FGF14: variants seen among roughly 807,000 people sequenced by gnomAD.
The protein encoded by FGF14 is fibroblast growth factor homologous factor 4.
In FGF14, 5 loss-of-function variants were observed where a neutral mutation model predicts 25.5. The ratio of observed to expected loss-of-function variants is 0.20; its 90% CI spans 0.10 to 0.41. The LOEUF (loss-of-function observed/expected upper bound fraction) is 0.41. FGF14 is among the 10% of genes least tolerant of loss of function. The probability of loss-of-function intolerance (pLI) is 1.00; values close to 1 mark genes in which losing one functional copy is unlikely to be tolerated. For missense variants in FGF14, 222 were observed against 320.1 expected (o/e 0.69, Z 2.34); for synonymous variants, 138 against 118.3 (o/e 1.17, Z -1.08).
chr13:101,795,559 A>T (rs947697786), intron 3 of FGF14, among the ~76,000 whole-genome samples: 1 of 152,108 alleles, frequency 6.6e-6, no homozygotes, highest in Non-Finnish European at 1.5e-5. Context: ...CAGTAAGGCA[A>T]CACATACTTT....
At chr13:102,165,208 C>T (rs573193856) in intron 1 of FGF14, among the ~76,000 whole-genome samples, 132 of 152,204 alleles carry the variant, frequency 8.7e-4, no homozygotes, top group African/African-American at 3.1e-3. Context: ...CACTTTTACA[C>T]TGTTGGTGGG....
chr13:102,320,289 G>A (rs922281949), intron 1 of FGF14, among the ~76,000 whole-genome samples: 15 of 150,592 alleles, frequency 1.0e-4, no homozygotes, highest in Non-Finnish European at 2.2e-4. Context: ...TGACCCTCAT[G>A]AGACTTCACA....
intron 1 of FGF14, among the ~76,000 whole-genome samples, chr13:102,356,233 G>T (rs1255632222): frequency 6.6e-6 from 1 of 152,202 alleles, no homozygotes; most frequent in Non-Finnish European, 1.5e-5. Flanking sequence ...GCTAGACCCA[G>T]AAAACATCAC....
At chr13:101,984,804 A>G (rs906440702) in intron 1 of FGF14, among the ~76,000 whole-genome samples, 2 of 152,168 alleles carry the variant, frequency 1.3e-5, no homozygotes, top group African/African-American at 4.8e-5. Flanking sequence ...AAGAAAAGTG[A>G]TATTTGTGGG....
At chr13:102,344,471 G>A (rs1181978632) in intron 1 of FGF14, among the ~76,000 whole-genome samples, 2 of 152,352 alleles carry the variant, frequency 1.3e-5, no homozygotes, top group African/African-American at 4.8e-5. Context: ...TTTGAAAAAT[G>A]TATTTTTAAA....
chr13:101,903,808 T>C (rs1208062264), intron 1 of FGF14, among the ~76,000 whole-genome samples: 2 of 152,164 alleles, frequency 1.3e-5, no homozygotes, highest in Non-Finnish European at 2.9e-5. Flanking sequence ...ACATAGACTG[T>C]CAGCATCTAG....
At chr13:102,240,970 G>A (rs1348199636) in intron 1 of FGF14, among the ~76,000 whole-genome samples, 1 of 152,092 alleles carries the variant, frequency 6.6e-6, no homozygotes, top group African/African-American at 2.4e-5. Flanking sequence ...TGTAAAAATA[G>A]GCAAGGGTTC....
chr13:102,155,673 T>C (rs1283819059), intron 1 of FGF14, among the ~76,000 whole-genome samples: 7 of 151,810 alleles, frequency 4.6e-5, no homozygotes, highest in African/African-American at 1.7e-4. Flanking sequence ...AGAGCAGAAC[T>C]GAAGGAGATA....
At chr13:102,045,089 T>C (rs1243424042) in intron 1 of FGF14, among the ~76,000 whole-genome samples, 3 of 152,198 alleles carry the variant, frequency 2.0e-5, no homozygotes, top group African/African-American at 4.8e-5. Context: ...TGAATTTTAC[T>C]CATCTAATAA....
At chr13:101,773,042 C>G (rs1384696027) in intron 3 of FGF14, among the ~76,000 whole-genome samples, 2 of 152,054 alleles carry the variant, frequency 1.3e-5, no homozygotes, top group African/African-American at 4.8e-5. Flanking sequence ...AGCTATTCTG[C>G]TTAAGTGGCC....
chr13:102,202,397 AG>A lies in FGF14; in HGVS notation c.208+199073del, dbSNP rs200333900. Among the ~76,000 whole-genome samples the A allele has an allele frequency of 6.2e-3, 941 of 152,316 alleles. 31 individuals carry two copies. The highest frequency in any genetic ancestry group is 0.054 in the Admixed American group (824 of 15,306). On this transcript the variant is annotated intron_variant, in intron 1 of 4. Coordinates refer to the FGF14 transcript ENST00000376131. ...CTAGTTCTCATTCCCCCACACAAAA[AG>A]GAGACCCATGAGCAGGAAGCAAGTT...
intron 1 of FGF14, among the ~76,000 whole-genome samples, chr13:102,392,190 A>T (rs1038675822): frequency 1.3e-5 from 2 of 152,222 alleles, no homozygotes; most frequent in African/African-American, 4.8e-5. Context: ...CATTTTAACT[A>T]CATTCATTCC....
chr13:102,278,494 T>A (rs2053655256), intron 1 of FGF14, among the ~76,000 whole-genome samples: 1 of 152,142 alleles, frequency 6.6e-6, no homozygotes, highest in South Asian at 2.1e-4. Context: ...ACAGGGGTGA[T>A]TGAACATAGG....
At chr13:102,201,069 C>A (rs1377954820) in intron 1 of FGF14, among the ~76,000 whole-genome samples, 2 of 129,824 alleles carry the variant, frequency 1.5e-5, no homozygotes, top group Non-Finnish European at 3.1e-5. Context: ...CCACTGCACT[C>A]CAGCTTGGGC....
intron 1 of FGF14, among the ~76,000 whole-genome samples, chr13:101,924,211 CAT>C (rs1315633732): frequency 6.6e-6 from 1 of 152,068 alleles, no homozygotes; most frequent in African/African-American, 2.4e-5. Flanking sequence ...TCCCTGTGCA[CAT>C]GTGATATAAT....
At chr13:102,073,527 T>TA (rs1441788462) in intron 1 of FGF14, among the ~76,000 whole-genome samples, 1 of 152,224 alleles carries the variant, frequency 6.6e-6, no homozygotes, top group Non-Finnish European at 1.5e-5. Flanking sequence ...CCAAGAAAGT[T>TA]AAATTTATCC....
chr13:101,983,971 T>C (rs142509622), intron 1 of FGF14, among the ~76,000 whole-genome samples: 2 of 152,308 alleles, frequency 1.3e-5, no homozygotes, highest in Middle Eastern at 3.4e-3. Flanking sequence ...TTCCCATCTA[T>C]ACTTTGGAGT....
At chr13:102,253,766 G>T (rs2052315370) in intron 1 of FGF14, among the ~76,000 whole-genome samples, 1 of 152,150 alleles carries the variant, frequency 6.6e-6, no homozygotes, top group Non-Finnish European at 1.5e-5. Context: ...GTTGAATTGG[G>T]ATGTGGAATC....
chr13:101,723,070 G>A (rs1396175188), intron 4 of FGF14, 103 bp from the exon 5 acceptor site: 1 of 1,409,634 alleles, frequency 7.1e-7, no homozygotes, highest in Non-Finnish European at 1.0e-6. Flanking sequence ...GCCCATTTCT[G>A]TTTTCCCTGA....
Sources: allele counts gnomAD v4.1 joint callset (sites outside exome capture counted in the v4.1 genomes callset), GRCh38; gene constraint gnomAD v4.1.1; transcripts MANE v1.5; gene names NCBI Gene and HGNC (gene_info 2026-07-23, HGNC 2026-07-21).